The following TRPC4AP variants were observed in gnomAD, a reference collection of about 807,000 sequenced individuals.
TRPC4AP encodes transient receptor potential cation channel subfamily C member 4 associated protein, also known as short transient receptor potential channel 4-associated protein.
Under a neutral mutation model 99.0 loss-of-function variants are expected in TRPC4AP, and 45 were observed. The observed-to-expected ratio is 0.45, with a 90% confidence interval of 0.36 to 0.58. The LOEUF (loss-of-function observed/expected upper bound fraction) is 0.58. Ranked by LOEUF, TRPC4AP falls within the 20% of genes least tolerant of loss-of-function variation. TRPC4AP has a pLI of 0.00. For synonymous variants in TRPC4AP, 408 were observed against 385.8 expected, an observed-to-expected ratio of 1.06 and a Z score of -0.67; for missense variants, 879 against 985.3, an observed-to-expected ratio of 0.89 and a Z score of 1.44.
rs1393437739 is a variant in TRPC4AP, at chr20:35,034,076, C to T, written c.1051+1047G>A. Among the ~76,000 whole-genome samples, 8 of 16,608 alleles carry T rather than the reference C, an allele frequency of 4.8e-4. 2 individuals are homozygous for T. The highest frequency in any genetic ancestry group is 1.5e-3 in the African/African-American group (8 of 5,486). The allele number at this position is 16,608 out of a possible 152,430, so 10.9% of individuals were successfully genotyped here. ...AGGAGAATGGCGTGAACCCGGGAAG[C>T]GGAGCTTGCAGTGAGCCGAGATTGC... is the stretch of plus-strand genomic sequence containing the variant. On this transcript the variant is annotated intron_variant, in intron 8 of 18. Transcript: ENST00000252015.
At chr20:35,022,857 T>TA (rs1184446621) in intron 8 of TRPC4AP, among the ~76,000 whole-genome samples, 1 of 151,876 alleles carries the variant, frequency 6.6e-6, no homozygotes, top group Admixed American at 6.6e-5. Context: ...CTCATTGCTA[T>TA]AAAAAAATTT....
At chr20:35,005,537 C>T (rs1019371541) in intron 16 of TRPC4AP, among the ~76,000 whole-genome samples, 158 bp downstream of exon 16, 21 of 152,236 alleles carry the variant, frequency 1.4e-4, no homozygotes, top group Admixed American at 1.2e-3. Context: ...AACAAGGCAG[C>T]AAAGCCAATT....
intron 3 of TRPC4AP, among the ~76,000 whole-genome samples, chr20:35,058,250 GACA>G (rs1287117008): frequency 1.3e-5 from 2 of 152,180 alleles, no homozygotes; most frequent in African/African-American, 4.8e-5. Flanking sequence ...TTCAATAATA[GACA>G]ACTAGGCAGA....
chr20:35,034,396 T>G (rs557735303), intron 8 of TRPC4AP, among the ~76,000 whole-genome samples: 1 of 152,144 alleles, frequency 6.6e-6, no homozygotes, highest in South Asian at 2.1e-4. Flanking sequence ...GCCATAGAAT[T>G]CTTGGCCTCA....
At chr20:35,039,542 CCT>C (rs1447339167) in intron 7 of TRPC4AP, among the ~76,000 whole-genome samples, 3 of 152,182 alleles carry the variant, frequency 2.0e-5, no homozygotes, top group Non-Finnish European at 2.9e-5. Context: ...ACTCACAACC[CCT>C]GAGAATTTCT....
intron 6 of TRPC4AP, 136 bp from the exon 7 acceptor site, chr20:35,044,848 C>T: frequency 5.2e-6 from 4 of 775,178 alleles, no homozygotes; most frequent in Non-Finnish European, 8.2e-6. Context: ...CTGTAACTTG[C>T]AGCTCTGAAA....
At chr20:35,030,337 G>T (rs757744348) in intron 8 of TRPC4AP, 2 of 151,604 alleles carry the variant, frequency 1.3e-5, no homozygotes, top group Non-Finnish European at 2.9e-5. Context: ...AATGCATCAG[G>T]AATTTGCATG....
Position 35,086,483 on chromosome 20 carries a change from GTGTA to G in TRPC4AP, c.168+6127_168+6130del, listed in dbSNP as rs1182363451. On this transcript the variant is annotated intron_variant, in intron 1 of 18. Coordinates refer to ENST00000252015, the MANE Select transcript of TRPC4AP (RefSeq NM_015638.3). ...TGTGTGTGTGTGTGTGTGTATGTGT[GTGTA>G]TATATATATGTGTATATATATGTGT... Among the ~76,000 whole-genome samples the G allele has an allele frequency of 1.5e-3, 177 of 117,084 alleles. 13 individuals are homozygous for G. The highest frequency in any genetic ancestry group is 6.6e-3 in the African/African-American group (167 of 25,244). 76.8% of individuals were successfully genotyped at this position (117,084 alleles called of 152,430 possible). A position where few individuals can be genotyped will look rare whatever the true frequency, so the allele number is the denominator to read the frequency against.
intron 17 of TRPC4AP, 69 bp downstream of exon 17, chr20:35,004,389 T>C (rs966259116): frequency 3.3e-5 from 46 of 1,383,954 alleles, no homozygotes; most frequent in Non-Finnish European, 4.6e-5. Flanking sequence ...AGAAACCTGC[T>C]GGGCACCAGG....
chr20:35,014,412 G>T (rs1375685273), intron 10 of TRPC4AP, among the ~76,000 whole-genome samples: 1 of 146,812 alleles, frequency 6.8e-6, no homozygotes, highest in Non-Finnish European at 1.5e-5. Flanking sequence ...CTGCCTCCTG[G>T]GTTCAAGCAA....
At chr20:35,035,747 C>T (rs1302488530) in intron 7 of TRPC4AP, among the ~76,000 whole-genome samples, 1 of 152,174 alleles carries the variant, frequency 6.6e-6, no homozygotes, top group Non-Finnish European at 1.5e-5. Flanking sequence ...CACATTTATA[C>T]AATGGAATAC....
At chr20:35,066,267 G>A (rs770978834) in intron 3 of TRPC4AP, among the ~76,000 whole-genome samples, 6 of 151,930 alleles carry the variant, frequency 3.9e-5, no homozygotes, top group Non-Finnish European at 7.4e-5. Context: ...TACCACAATC[G>A]GCTAATTTTT....
At chr20:35,051,900 T>A (rs2083708581) in intron 5 of TRPC4AP, among the ~76,000 whole-genome samples, 1 of 152,166 alleles carries the variant, frequency 6.6e-6, no homozygotes, top group Non-Finnish European at 1.5e-5. Flanking sequence ...ACAGACTGAC[T>A]AAAATGACTC....
intron 8 of TRPC4AP, among the ~76,000 whole-genome samples, chr20:35,021,953 ACTG>A (rs1160492563): frequency 6.6e-6 from 1 of 152,220 alleles, no homozygotes; most frequent in Non-Finnish European, 1.5e-5. Flanking sequence ...CAATGTCATT[ACTG>A]CTAACATCAA....
At position 35,006,472 on chromosome 20, in the gene TRPC4AP, A is replaced by C; in HGVS notation, c.1790T>G (p.Phe597Cys). The part of the protein sequence containing the change: ...GELMKFNVDA[F>C]KRFNKYINTD... ...GTTGATATATTTATTGAATCTCTTG[A>C]ATGCATCAACGTTGAACTTCATCAG... Residue 597 changes from phenylalanine (F) to cysteine (C), a missense_variant, in exon 15 of 19, where the codon TTC (phenylalanine) becomes TGC (cysteine). By Grantham distance (205) the Phe-to-Cys change is radical (BLOSUM62 -2). Around this residue, in one of 3 missense-constraint regions of TRPC4AP, gnomAD observed 224 missense variants for 264.7 expected, o/e 0.85. Coordinates refer to ENST00000252015, the MANE Select transcript of TRPC4AP (RefSeq NM_015638.3). The C allele has an allele frequency of 6.2e-7, 1 of 1,614,228 alleles. No homozygotes were observed. Among genetic ancestry groups the C allele is most frequent in the Non-Finnish European group, 8.5e-7 (1 of 1,180,050 alleles).
At chr20:35,079,581 A>G (rs2084574179) in intron 1 of TRPC4AP, among the ~76,000 whole-genome samples, 2 of 152,214 alleles carry the variant, frequency 1.3e-5, no homozygotes, top group African/African-American at 2.4e-5. Context: ...AGAGAAAACA[A>G]AACCAAAAGT....
At chr20:35,091,070 CAG>C (rs2085049663) in intron 1 of TRPC4AP, among the ~76,000 whole-genome samples, 1 of 147,158 alleles carries the variant, frequency 6.8e-6, no homozygotes, top group Non-Finnish European at 1.5e-5. Flanking sequence ...TTTTTTGAGA[CAG>C]GGTCTCACTC....
At chr20:35,078,232 C>T (rs1014162503) in intron 1 of TRPC4AP, 58 bp from the exon 2 acceptor site, 55 of 1,559,946 alleles carry the variant, frequency 3.5e-5, no homozygotes, top group Middle Eastern at 4.1e-4. Context: ...ATAGCTGATA[C>T]GGCAAAGGAG....
intron 9 of TRPC4AP, among the ~76,000 whole-genome samples, chr20:35,020,033 C>T (rs1417827826): frequency 2.6e-5 from 4 of 152,206 alleles, no homozygotes; most frequent in African/African-American, 7.2e-5. Flanking sequence ...CATTCTCCTA[C>T]TTCCTTGGGC....
Sources: gnomAD v4.1 joint callset for allele counts (sites outside exome capture counted in the v4.1 genomes callset) on GRCh38, gnomAD v4.1.1 for gene constraint, gnomAD v4.1.1 regional missense constraint, MANE v1.5 for transcripts, NCBI Gene and HGNC (gene_info 2026-07-23, HGNC 2026-07-21) for gene names.